Variants in DGKB observed in about 807,000 individuals in gnomAD.
DGKB encodes diacylglycerol kinase beta.
A neutral mutation model predicts 114.3 loss-of-function variants in DGKB; 67 were observed. The observed-to-expected ratio is 0.59, with a 90% confidence interval of 0.48 to 0.72. The LOEUF (loss-of-function observed/expected upper bound fraction) is 0.72, where lower values mean the gene tolerates loss of function less well. DGKB is among the 30% of genes least tolerant of loss of function. The pLI is 0.00. For missense variants in DGKB, 907 were observed against 975.2 expected, an observed-to-expected ratio of 0.93 and a Z score of 0.93; for synonymous variants, 398 against 323.1, an observed-to-expected ratio of 1.23 and a Z score of -2.49.
At chr7:14,433,759 G>T (rs977068373) in intron 21 of DGKB, among the ~76,000 whole-genome samples, 1 of 152,048 alleles carries the variant, frequency 6.6e-6, no homozygotes, top group South Asian at 2.1e-4. Context: ...GTTTGGGACT[G>T]GAAGTGTTTT....
At chr7:14,525,634 C>G (rs1349736109) in intron 20 of DGKB, among the ~76,000 whole-genome samples, 1 of 151,892 alleles carries the variant, frequency 6.6e-6, no homozygotes, top group South Asian at 2.1e-4. Flanking sequence ...TGACAGTAGT[C>G]AAGATATGAT....
At chr7:14,730,290 C>T (rs906132595) in intron 5 of DGKB, among the ~76,000 whole-genome samples, 10 of 152,034 alleles carry the variant, frequency 6.6e-5, no homozygotes, top group South Asian at 2.1e-4. Flanking sequence ...GCATGGGTGG[C>T]GATGGAGAAG....
At chr7:14,823,238 A>G (rs1225678843) in intron 2 of DGKB, among the ~76,000 whole-genome samples, 2 of 151,946 alleles carry the variant, frequency 1.3e-5, no homozygotes, top group Non-Finnish European at 2.9e-5. Flanking sequence ...AAATATGTAG[A>G]TAAGCTACAA....
chr7:14,472,689 A>G (rs1455440442), intron 21 of DGKB, among the ~76,000 whole-genome samples: 2 of 152,154 alleles, frequency 1.3e-5, no homozygotes, highest in African/African-American at 2.4e-5. Flanking sequence ...GACTTGTTGA[A>G]TGGCTTTGAC....
At chr7:14,944,690 G>A (rs968502775) in intron 1 of DGKB, among the ~76,000 whole-genome samples, 1 of 98,720 alleles carries the variant, frequency 1.0e-5, no homozygotes, top group Non-Finnish European at 1.8e-5. Context: ...TGTGTGTGAG[G>A]AAGTTGCTAC....
intron 23 of DGKB, among the ~76,000 whole-genome samples, chr7:14,322,031 C>T (rs1355803615): frequency 1.3e-5 from 2 of 152,078 alleles, no homozygotes; most frequent in African/African-American, 4.8e-5. Context: ...CATTAACAAA[C>T]TGATTAACAA....
chr7:14,951,086 T>C (rs1321227849), intron 1 of DGKB, among the ~76,000 whole-genome samples: 1 of 151,892 alleles, frequency 6.6e-6, no homozygotes, highest in Non-Finnish European at 1.5e-5. Flanking sequence ...AAACTAGGAA[T>C]AGAAGGTAAC....
chr7:14,314,226 T>A (rs1412644903), intron 23 of DGKB, among the ~76,000 whole-genome samples: 6 of 151,990 alleles, frequency 3.9e-5, no homozygotes, highest in African/African-American at 1.5e-4. Context: ...TCAGAGCGCC[T>A]CTCCTCCTCC....
At chr7:14,730,391 C>T (rs1048388655) in intron 5 of DGKB, among the ~76,000 whole-genome samples, 1 of 152,114 alleles carries the variant, frequency 6.6e-6, no homozygotes. Context: ...GGTGTGCCAT[C>T]TTATTAATCA....
At chr7:14,760,141 G>A (rs1044497529) in intron 2 of DGKB, among the ~76,000 whole-genome samples, 4 of 152,228 alleles carry the variant, frequency 2.6e-5, no homozygotes, top group African/African-American at 9.6e-5. Context: ...TGGGGGGTGT[G>A]TGTGTACGCA....
chr7:14,819,720 G>A (rs1232845319), intron 2 of DGKB, among the ~76,000 whole-genome samples: 1 of 152,076 alleles, frequency 6.6e-6, no homozygotes, highest in African/African-American at 2.4e-5. Context: ...CTTGAACAAA[G>A]TTGTATGGTT....
chr7:14,555,230 G>A (rs1230738822), intron 20 of DGKB, among the ~76,000 whole-genome samples: 1 of 152,020 alleles, frequency 6.6e-6, no homozygotes, highest in African/African-American at 2.4e-5. Flanking sequence ...CCAATGATTT[G>A]ATACTTCAAC....
chr7:14,549,677 T>G (rs1360797851), intron 20 of DGKB, among the ~76,000 whole-genome samples: 1 of 152,014 alleles, frequency 6.6e-6, no homozygotes. Flanking sequence ...AGTTATCTGG[T>G]GAAAGGAAAG....
intron 1 of DGKB, among the ~76,000 whole-genome samples, chr7:14,934,201 G>C (rs1293107553): frequency 6.6e-6 from 1 of 152,106 alleles, no homozygotes; most frequent in Admixed American, 6.6e-5. Context: ...TTGATCAGCA[G>C]AGAAATAATT....
intron 20 of DGKB, among the ~76,000 whole-genome samples, chr7:14,528,600 G>A (rs568473737): frequency 5.9e-5 from 9 of 151,964 alleles, no homozygotes; most frequent in East Asian, 1.9e-4. Flanking sequence ...TTGTATTGTC[G>A]TACTCCTGGA....
chr7:14,149,086 GC>G lies in DGKB; in HGVS notation c.*44del, dbSNP rs1203346065. 2.0e-6 allele frequency: 3 copies of G among 1,503,256 alleles called. No homozygotes were observed. Among genetic ancestry groups the G allele is most frequent in the African/African-American group, 2.8e-5 (2 of 72,476 alleles). 93.1% of individuals were successfully genotyped at this position (1,503,256 alleles called of 1,614,324 possible). ...AGATTTCCAGCATATGTGTTCCATG[GC>G]CCAATTATGCTAATTCAATTTCTAA... is the stretch of plus-strand genomic sequence containing the variant. On this transcript the variant is annotated 3_prime_UTR_variant, in exon 26 of 26. Transcript: ENST00000402815.
At chr7:14,527,162 T>C (rs1194916498) in intron 20 of DGKB, among the ~76,000 whole-genome samples, 1 of 152,118 alleles carries the variant, frequency 6.6e-6, no homozygotes. Context: ...TACTATTAAG[T>C]GTTATGCCTA....
chr7:14,826,307 A>C (rs1369277678), intron 2 of DGKB, among the ~76,000 whole-genome samples: 1 of 152,114 alleles, frequency 6.6e-6, no homozygotes, highest in Non-Finnish European at 1.5e-5. Flanking sequence ...CGTCAATCAG[A>C]ACTATCTTAA....
chr7:14,236,916 C>CT (rs1792881419), intron 23 of DGKB, among the ~76,000 whole-genome samples: 1 of 151,574 alleles, frequency 6.6e-6, no homozygotes, highest in African/African-American at 2.4e-5. Context: ...TTCTTTTTCC[C>CT]TTTCCTAAGT....
Sources: allele counts gnomAD v4.1 joint callset (sites outside exome capture counted in the v4.1 genomes callset), GRCh38; gene constraint gnomAD v4.1.1; transcripts MANE v1.5; gene names NCBI Gene and HGNC (gene_info 2026-07-23, HGNC 2026-07-21).